Variants in PALLD observed in about 807,000 individuals in gnomAD.
PALLD encodes palladin.
A neutral mutation model predicts 123.5 loss-of-function variants in PALLD; 61 were observed. The observed-to-expected ratio is 0.49, with a 90% CI of 0.40 to 0.61. The LOEUF (loss-of-function observed/expected upper bound fraction) is 0.61. Among genes scored for constraint, PALLD ranks in the 20% least tolerant of loss-of-function variants. The probability of loss-of-function intolerance (pLI) is 0.00; values close to 1 mark genes in which losing one functional copy is unlikely to be tolerated. For missense variants in PALLD, 1,273 were observed against 1,377.0 expected, an observed-to-expected ratio of 0.92 and a Z score of 1.20; for synonymous variants, 465 against 496.4, an observed-to-expected ratio of 0.94 and a Z score of 0.84.
chr4:168,769,717 C>T (rs1734142251), intron 10 of PALLD, among the ~76,000 whole-genome samples: 1 of 152,100 alleles, frequency 6.6e-6, no homozygotes, highest in Non-Finnish European at 1.5e-5. Flanking sequence ...TCTGTGGTGA[C>T]TCAGAAATCT....
chr4:168,786,120 G>A (rs1736720004), intron 10 of PALLD, among the ~76,000 whole-genome samples: 1 of 151,820 alleles, frequency 6.6e-6, no homozygotes, highest in African/African-American at 2.4e-5. Context: ...ATGTGGTCAA[G>A]AGATTGAGAC....
rs75332018 is a variant in PALLD, at chr4:168,595,885, C to T, written c.909-72305C>T. On this transcript the variant is annotated intron_variant, in intron 2 of 21. Transcript: ENST00000505667. ...CTAAACCCCAGCAACATGCAATTTACCCTTGTAACCAACCTGCACATGTAA... is the reference window on the plus strand; with the variant it reads ...CTAAACCCCAGCAACATGCAATTTATCCTTGTAACCAACCTGCACATGTAA... 3.1e-3 allele frequency among the ~76,000 whole-genome samples: 469 copies of T among 151,636 alleles called. 15 individuals carry two copies. The East Asian group carries it at 0.061, about 20-fold the overall frequency.
At chr4:168,875,323 A>C (rs7676360) in intron 10 of PALLD, among the ~76,000 whole-genome samples, 2,831 of 152,244 alleles carry the variant, frequency 0.019, 84 homozygotes, top group African/African-American at 0.064. Context: ...CGGCCTTTTT[A>C]TCTCTGTGAA....
At chr4:168,766,426 A>G (rs769556934) in intron 10 of PALLD, among the ~76,000 whole-genome samples, 18 of 152,218 alleles carry the variant, frequency 1.2e-4, no homozygotes, top group Non-Finnish European at 2.2e-4. Flanking sequence ...GTCAATTCCC[A>G]AAACTCAAAT....
intron 10 of PALLD, among the ~76,000 whole-genome samples, chr4:168,785,555 T>C (rs542632780): frequency 6.6e-6 from 1 of 152,228 alleles, no homozygotes; most frequent in African/African-American, 2.4e-5. Context: ...TTTCCCCATA[T>C]TCTGGGAAGC....
intron 10 of PALLD, among the ~76,000 whole-genome samples, chr4:168,859,406 C>A (rs1048842326): frequency 6.6e-6 from 1 of 152,198 alleles, no homozygotes; most frequent in African/African-American, 2.4e-5. Flanking sequence ...GGAGGGCTCT[C>A]ATCTGTCAAT....
At chr4:168,873,216 A>G (rs1477233450) in intron 10 of PALLD, among the ~76,000 whole-genome samples, 1 of 152,146 alleles carries the variant, frequency 6.6e-6, no homozygotes, top group Non-Finnish European at 1.5e-5. Context: ...TGAGTCCACC[A>G]TGTTTAGTGT....
chr4:168,741,431 T>C (rs1192169820), intron 10 of PALLD, among the ~76,000 whole-genome samples: 3 of 152,008 alleles, frequency 2.0e-5, no homozygotes, highest in Non-Finnish European at 4.4e-5. Context: ...ATCCCAGCAC[T>C]TTTGGGAGGC....
At chr4:168,798,437 A>G (rs1035805804) in intron 10 of PALLD, among the ~76,000 whole-genome samples, 1 of 152,198 alleles carries the variant, frequency 6.6e-6, no homozygotes, top group African/African-American at 2.4e-5. Context: ...ATCATTTCTT[A>G]TAAAGTTTTA....
rs1285692398 is a variant in PALLD at position 168,709,069 on chromosome 4, G to C, written c.1543G>C (p.Asp515His). The change falls in exon 9 of 22, where the codon GAT becomes CAT. Residue 515 changes from aspartate to histidine, a missense_variant. Asp to His is a moderately conservative substitution (Grantham distance 81, BLOSUM62 -1). Coordinates refer to ENST00000505667, the MANE Select transcript of PALLD (RefSeq NM_001166108.2). ...AGTTATCGCTGAGACTTTCCCTGAA[G>C]ATGCAGGGATCTTTACATGTTCAGC... ...TLVIAETFPE[D>H]AGIFTCSARN... 1 of 1,610,850 alleles carries C rather than the reference G, an allele frequency of 6.2e-7. No individual in the cohort carries two copies. The highest frequency in any genetic ancestry group is 8.5e-7 in the Non-Finnish European group (1 of 1,177,158).
chr4:168,598,401 G>A, intron 2 of PALLD: 2 of 626,792 alleles, frequency 3.2e-6, no homozygotes. Flanking sequence ...TCAGCACCAA[G>A]CTGACTTAAT....
chr4:168,817,770 C>A (rs997794325), intron 10 of PALLD, among the ~76,000 whole-genome samples: 2 of 152,180 alleles, frequency 1.3e-5, no homozygotes, highest in Non-Finnish European at 2.9e-5. Flanking sequence ...ACCAAGAAAT[C>A]AATTTACTTA....
intron 3 of PALLD, 38 bp downstream of exon 3, chr4:168,668,406 G>A (rs1434314215): frequency 3.3e-6 from 5 of 1,531,844 alleles, no homozygotes; most frequent in African/African-American, 1.4e-5. Flanking sequence ...ATAAAGGGGT[G>A]TCAATGGTCT....
At chr4:168,851,628 A>C (rs1747807958) in intron 10 of PALLD, among the ~76,000 whole-genome samples, 1 of 152,180 alleles carries the variant, frequency 6.6e-6, no homozygotes, top group African/African-American at 2.4e-5. Flanking sequence ...TTGGCCTCCC[A>C]AAGTGCTGGG....
chr4:168,683,774 A>G (rs774046647), intron 5 of PALLD, among the ~76,000 whole-genome samples: 1 of 152,182 alleles, frequency 6.6e-6, no homozygotes, highest in Non-Finnish European at 1.5e-5. Context: ...TTTCCCCCAC[A>G]GTCTGGAAAT....
At position 168,794,494 on chromosome 4, in the gene PALLD, GCACACACACACGCACA is replaced by G. The variant is rs1165566171; in HGVS notation, c.1964+82583_1964+82598del. On this transcript the variant is annotated intron_variant, in intron 10 of 21. Transcript: ENST00000505667. ...CGTGCACACGCACACACACATGCAC[GCACACACACACGCACA>G]CACACACACACACACACACACACAC... Among the ~76,000 whole-genome samples the G allele has an allele frequency of 9.5e-4, 129 of 135,824 alleles. No homozygotes were observed. In the South Asian group the frequency reaches 1.0e-2, roughly 11 times the overall value. 89.1% of individuals were successfully genotyped at this position (135,824 alleles called of 152,430 possible).
chr4:168,602,116 C>CA (rs1022866703), intron 2 of PALLD, among the ~76,000 whole-genome samples: 1 of 152,168 alleles, frequency 6.6e-6, no homozygotes, highest in African/African-American at 2.4e-5. Context: ...CCAGTCAGGG[C>CA]AAGAGTGCAG....
intron 3 of PALLD, among the ~76,000 whole-genome samples, chr4:168,673,856 C>A (rs1029586135): frequency 1.3e-5 from 2 of 151,564 alleles, no homozygotes; most frequent in Non-Finnish European, 2.9e-5. Context: ...GGATTGGAGA[C>A]AGAAGGAATT....
intron 2 of PALLD, among the ~76,000 whole-genome samples, chr4:168,572,241 T>C (rs1003253851): frequency 3.3e-5 from 5 of 152,170 alleles, no homozygotes; most frequent in African/African-American, 1.2e-4. Flanking sequence ...GTTTGTGGTA[T>C]CATTTTTCAG....
Sources: gnomAD v4.1 joint callset for allele counts (sites outside exome capture counted in the v4.1 genomes callset) on GRCh38, gnomAD v4.1.1 for gene constraint, MANE v1.5 for transcripts, NCBI Gene and HGNC (gene_info 2026-07-23, HGNC 2026-07-21) for gene names.